COL4A4: variants seen among roughly 807,000 people sequenced by gnomAD.
COL4A4 encodes the protein collagen alpha-4(IV) chain.
A neutral mutation model predicts 192.9 loss-of-function variants in COL4A4; 105 were observed. The ratio of observed to expected loss-of-function variants is 0.54; its 90% confidence interval spans 0.46 to 0.64. The LOEUF (loss-of-function observed/expected upper bound fraction) is 0.64. COL4A4 is among the 30% of genes least tolerant of loss of function. COL4A4 has a pLI of 0.00. For missense variants in COL4A4, 1,967 were observed against 2,169.3 expected (o/e 0.91, Z 1.85); for synonymous variants, 762 against 769.9 (o/e 0.99, Z 0.17).
In COL4A4 at chr2:227,045,884, G is replaced by T. The variant is rs10167303; in HGVS notation, c.3289+1591C>A. Among the ~76,000 whole-genome samples the T allele has an allele frequency of 2.8e-4, 21 of 75,518 alleles. 2 individuals are homozygous for T. Among genetic ancestry groups the T allele is most frequent in the East Asian group, 9.3e-4 (3 of 3,224 alleles). 49.5% of individuals were successfully genotyped at this position (75,518 alleles called of 152,430 possible). On this transcript the variant is annotated intron_variant, in intron 35 of 47. Transcript: ENST00000396625. Reference sequence around the variant, plus strand: ...TATACACATATATATACATATATATGTATATATATTTAGATAGTATATATA... The same window carrying T: ...TATACACATATATATACATATATATTTATATATATTTAGATAGTATATATA...
chr2:227,077,910 G>A lies in COL4A4; in HGVS notation c.1971C>T (p.Gly657=). 2 of 1,613,204 alleles carry A rather than the reference G, an allele frequency of 1.2e-6. No individual in the cohort carries two copies. Among genetic ancestry groups the A allele is most frequent in the East Asian group, 2.2e-5 (1 of 44,874 alleles). The change falls in exon 25 of 48, where the codon GGC becomes GGT. Residue 657 remains glycine (G), a synonymous_variant. Transcript: ENST00000396625. ...PGHPGVRGPD[G]LKGQKGDTIS... is the part of the protein sequence containing the mutation. ...TAAAATTACCTTTCTGACCCTTCAA[G>A]CCATCAGGGCCCCTCACACCTGGGT... is the stretch of plus-strand genomic sequence containing the variant.
At chr2:227,087,117 G>C (rs2059644792) in intron 22 of COL4A4, among the ~76,000 whole-genome samples, 1 of 152,204 alleles carries the variant, frequency 6.6e-6, no homozygotes, top group African/African-American at 2.4e-5. Flanking sequence ...GTCTCCAGGG[G>C]AGTACCCCAG....
chr2:226,990,449 T>C, the COL4A4 span, among the ~76,000 whole-genome samples: 69 of 152,168 alleles, frequency 4.5e-4, no homozygotes, highest in African/African-American at 1.7e-3. Flanking sequence ...AGAGATACTA[T>C]GCTATCCTGC....
At chr2:227,086,936 T>C (rs981423917) in intron 22 of COL4A4, among the ~76,000 whole-genome samples, 2 of 152,216 alleles carry the variant, frequency 1.3e-5, no homozygotes, top group Admixed American at 6.5e-5. Context: ...ACAAGGGTAC[T>C]GCTGGGACAC....
rs1553624041 is a variant in COL4A4, at chr2:227,027,930, T to C, written c.4053A>G (p.Pro1351=). ...PPGEKGLPGP[P]GRKGPTGLPG... ...GAAGACCAGTGGGCCCTTTTCTCCCTGGAGGTCCAGGTAAACCCTTCTCTC... is the reference window on the plus strand; with the variant it reads ...GAAGACCAGTGGGCCCTTTTCTCCCCGGAGGTCCAGGTAAACCCTTCTCTC... The change falls in exon 42 of 48, where the codon CCA becomes CCG. Residue 1351 remains proline (P), a synonymous_variant. Coordinates refer to ENST00000396625, the MANE Select transcript of COL4A4 (RefSeq NM_000092.5). 3.1e-6 allele frequency: 5 copies of C among 1,613,758 alleles called. No individual in the cohort carries two copies. The Admixed American group carries it at 6.7e-5, about 22-fold the overall frequency.
At chr2:227,037,440 T>C (rs1969908383) in intron 37 of COL4A4, among the ~76,000 whole-genome samples, 1 of 152,228 alleles carries the variant, frequency 6.6e-6, no homozygotes, top group Non-Finnish European at 1.5e-5. Flanking sequence ...GGCTGCATAG[T>C]ATTCCATGGT....
rs1962130074 is a variant in COL4A4 at position 227,006,452 on chromosome 2, AGTCT to A, written c.*869_*872del. The A allele has an allele frequency of 6.6e-6, 1 of 152,634 alleles. No individual in the cohort carries two copies. The highest frequency in any genetic ancestry group is 2.4e-5 in the African/African-American group (1 of 41,454). The allele number at this position is 152,634 out of a possible 1,614,324, so 9.5% of individuals were successfully genotyped here. ...CGCCGGACCCCGACTGGGGAAAAGC[AGTCT>A]GTCTGGAAGTTCACTGCAATGGGGA... is the stretch of plus-strand genomic sequence containing the variant. On this transcript the variant is annotated 3_prime_UTR_variant, in exon 48 of 48. Coordinates refer to ENST00000396625, the MANE Select transcript of COL4A4 (RefSeq NM_000092.5).
intron 1 of COL4A4, among the ~76,000 whole-genome samples, chr2:227,157,137 A>G (rs145392587): frequency 5.3e-5 from 8 of 152,282 alleles, no homozygotes; most frequent in African/African-American, 1.9e-4. Flanking sequence ...AGATAATTAC[A>G]CTAGAATTCA....
chr2:227,027,791 G>A, intron 42 of COL4A4, 111 bp downstream of exon 42: 1 of 830,720 alleles, frequency 1.2e-6, no homozygotes. Flanking sequence ...TATAAGAAAA[G>A]GGCTTAAATA....
At chr2:227,110,360 T>C (rs2061123390) in intron 9 of COL4A4, among the ~76,000 whole-genome samples, 1 of 152,230 alleles carries the variant, frequency 6.6e-6, no homozygotes, top group African/African-American at 2.4e-5. Flanking sequence ...GTTCCATCAC[T>C]AGCCAGAAGT....
At position 227,051,323 on chromosome 2, in the gene COL4A4, T is replaced by C. The variant is rs2894626; in HGVS notation, c.2969-165A>G. Reference sequence around the variant, plus strand: ...ATCATTTCTGGCTTCAGTGACCTCATTGATGAAAGAAGCTGCCTGGGAATA... The same window carrying C: ...ATCATTTCTGGCTTCAGTGACCTCACTGATGAAAGAAGCTGCCTGGGAATA... On this transcript the variant is annotated intron_variant, in intron 32 of 47. Coordinates refer to ENST00000396625, the MANE Select transcript of COL4A4 (RefSeq NM_000092.5). 0.52 allele frequency among the ~76,000 whole-genome samples: 78,718 copies of C among 152,060 alleles called. 20,572 individuals are homozygous for C. Among genetic ancestry groups the C allele is most frequent in the South Asian group, 0.63 (3,033 of 4,820 alleles).
At chr2:227,098,212 T>G (rs1428201688) in intron 19 of COL4A4, among the ~76,000 whole-genome samples, 1 of 152,216 alleles carries the variant, frequency 6.6e-6, no homozygotes, top group East Asian at 1.9e-4. Flanking sequence ...AGGGATTAGG[T>G]GAATGTACTA....
intron 35 of COL4A4, among the ~76,000 whole-genome samples, chr2:227,045,967 T>TATA (rs1559489776): frequency 2.9e-5 from 1 of 34,420 alleles, no homozygotes; most frequent in East Asian, 6.8e-4. Context: ...ATGTATATAT[T>TATA]TATATGTGTA....
At chr2:227,044,651 G>A (rs902133980) in intron 35 of COL4A4, among the ~76,000 whole-genome samples, 1 of 152,058 alleles carries the variant, frequency 6.6e-6, no homozygotes, top group South Asian at 2.1e-4. Context: ...ATTTTGTGGG[G>A]TTGTGTTAAG....
At chr2:227,162,440 A>G (rs1393921460) in intron 1 of COL4A4, among the ~76,000 whole-genome samples, 1 of 152,012 alleles carries the variant, frequency 6.6e-6, no homozygotes, top group Non-Finnish European at 1.5e-5. Flanking sequence ...TAATCATGTG[A>G]CTCTCAGAAC....
Position 227,054,744 on chromosome 2 carries a change from A to G in COL4A4, c.2717-7T>C. ...CCAGGCAGCCCCCGGGGTCCTGGTG[A>G]AATGAGAGCATAAAGTTTTAGGAAA... On this transcript the variant is annotated splice_polypyrimidine_tract_variant and splice_region_variant and intron_variant, in intron 30 of 47. Coordinates refer to ENST00000396625, the MANE Select transcript of COL4A4 (RefSeq NM_000092.5). 1 of 1,613,440 alleles carries G rather than the reference A, an allele frequency of 6.2e-7. No individual in the cohort carries two copies. Among genetic ancestry groups the G allele is most frequent in the African/African-American group, 1.3e-5 (1 of 75,014 alleles).
rs758096259 is a variant in COL4A4, at chr2:227,008,039, C to T, written c.4788G>A (p.Trp1596Ter). Residue 1596 changes from tryptophan (W) to a stop codon, truncating the protein, a stop_gained, in exon 47 of 48, where the codon TGG (tryptophan) becomes TGA (stop). Transcript: ENST00000396625. LOFTEE classifies it high-confidence loss of function. ...PPCPQTWRSL[W>*]IGYSFLMHTG... is the part of the protein sequence containing the mutation. ...TCACCATCAGGAATGAATACCCGAT[C>T]CAGAGGCTCCTCCAGGTCTGCGGAC... is the stretch of plus-strand genomic sequence containing the variant. 1 of 1,612,866 alleles carries T rather than the reference C, an allele frequency of 6.2e-7. No homozygotes were observed. The highest frequency in any genetic ancestry group is 1.1e-5 in the South Asian group (1 of 91,080).
intron 12 of COL4A4, 102 bp downstream of exon 12, chr2:227,108,479 G>A: frequency 8.7e-7 from 1 of 1,143,872 alleles, no homozygotes; most frequent in East Asian, 2.4e-5. Context: ...ATTGGGCAGT[G>A]ACTAGATAAT....
At chr2:227,041,760 AAGG>A in intron 37 of COL4A4, among the ~76,000 whole-genome samples, 5 of 120,926 alleles carry the variant, frequency 4.1e-5, no homozygotes, top group Non-Finnish European at 6.8e-5. Flanking sequence ...GGAAGGAAGG[AAGG>A]AAGGAAGGAA....
Sources: gnomAD v4.1 joint callset for allele counts (sites outside exome capture counted in the v4.1 genomes callset) on GRCh38, gnomAD v4.1.1 for gene constraint, MANE v1.5 for transcripts, NCBI Gene and HGNC (gene_info 2026-07-23, HGNC 2026-07-21) for gene names.